METTL15: variants seen among roughly 807,000 people sequenced by gnomAD.
METTL15 encodes the protein methyltransferase 15, mitochondrial 12S rRNA N4-cytidine, also known as 12S rRNA N(4)-cytidine methyltransferase METTL15.
A neutral mutation model predicts 38.3 loss-of-function variants in METTL15; 34 were observed. The ratio of observed to expected loss-of-function variants is 0.89; its 90% CI spans 0.68 to 1.18. The LOEUF (loss-of-function observed/expected upper bound fraction) is 1.18, where lower values mean the gene tolerates loss of function less well. METTL15 is among the 50% of genes most tolerant of loss of function. METTL15 has a pLI of 0.00. For synonymous variants in METTL15, 162 were observed against 170.9 expected, an observed-to-expected ratio of 0.95 and a Z score of 0.41; for missense variants, 438 against 498.4, an observed-to-expected ratio of 0.88 and a Z score of 1.15.
At chr11:28,467,873 A>G (rs1851269908) in intron 6 of METTL15, among the ~76,000 whole-genome samples, 1 of 152,208 alleles carries the variant, frequency 6.6e-6, no homozygotes, top group South Asian at 2.1e-4. Flanking sequence ...AGCATGGCCA[A>G]GGAGGAGAAG....
At chr11:28,334,529 T>C (rs1184104635), downstream of METTL15, among the ~76,000 whole-genome samples, 1 of 152,026 alleles carries the variant, frequency 6.6e-6, no homozygotes, top group Non-Finnish European at 1.5e-5. Flanking sequence ...AAATATAAAT[T>C]TGAAACTCTG....
chr11:28,374,992 A>C (rs1167818307), intron 5 of METTL15, among the ~76,000 whole-genome samples: 1 of 151,218 alleles, frequency 6.6e-6, no homozygotes, highest in Non-Finnish European at 1.5e-5. Flanking sequence ...ATATTGAACC[A>C]GCCTTGCATC....
intron 3 of METTL15, among the ~76,000 whole-genome samples, chr11:28,159,700 T>C (rs1850387010): frequency 6.6e-6 from 1 of 152,226 alleles, no homozygotes; most frequent in Non-Finnish European, 1.5e-5. Flanking sequence ...ATTTATTGAC[T>C]TCACATCAGA....
intron 3 of METTL15, among the ~76,000 whole-genome samples, chr11:28,198,804 G>T (rs1441559596): frequency 6.6e-6 from 1 of 151,994 alleles, no homozygotes; most frequent in Non-Finnish European, 1.5e-5. Flanking sequence ...TTTATTTCAG[G>T]TCTAACAACT....
intron 5 of METTL15, among the ~76,000 whole-genome samples, chr11:28,371,902 T>A (rs1026472012): frequency 1.3e-5 from 2 of 152,060 alleles, no homozygotes; most frequent in Admixed American, 6.6e-5. Context: ...AGACTTTAGG[T>A]TTTTCTAAGT....
At chr11:28,470,813 C>G (rs562326586) in intron 6 of METTL15, among the ~76,000 whole-genome samples, 4 of 152,196 alleles carry the variant, frequency 2.6e-5, no homozygotes, top group South Asian at 2.1e-4. Flanking sequence ...TTGTTTTTGA[C>G]ATTTTCCACG....
chr11:28,432,072 T>G (rs1850937102), intron 6 of METTL15, among the ~76,000 whole-genome samples: 1 of 152,154 alleles, frequency 6.6e-6, no homozygotes, highest in African/African-American at 2.4e-5. Context: ...TGCAAAATCT[T>G]CTGTGACTTG....
At chr11:28,222,490 C>G (rs920058847) in intron 4 of METTL15, among the ~76,000 whole-genome samples, 4 of 152,250 alleles carry the variant, frequency 2.6e-5, no homozygotes, top group Non-Finnish European at 4.4e-5. Context: ...TCCCTGACCC[C>G]TTGCACTTCT....
chr11:28,231,098 CA>C (rs771155055), intron 4 of METTL15, among the ~76,000 whole-genome samples: 3 of 151,866 alleles, frequency 2.0e-5, no homozygotes, highest in Non-Finnish European at 4.4e-5. Context: ...TCATTTAATT[CA>C]ATTCCAGACA....
Position 28,160,725 on chromosome 11 carries a change from C to A in METTL15, c.270+47121C>A, listed in dbSNP as rs1354737873. On this transcript the variant is annotated intron_variant, in intron 3 of 6. Transcript: ENST00000407364. ...TAACATATTATAGTTATTTGAAAAT[C>A]TTAACAATAATGGTAACAATTACCA... is the stretch of plus-strand genomic sequence containing the variant. Among the ~76,000 whole-genome samples, 5 of 151,972 alleles carry A rather than the reference C, an allele frequency of 3.3e-5. 1 individual carries two copies.
chr11:28,474,653 G>A (rs1483006466), intron 6 of METTL15, among the ~76,000 whole-genome samples: 3 of 152,106 alleles, frequency 2.0e-5, no homozygotes, highest in Non-Finnish European at 4.4e-5. Context: ...GCCTAATAAG[G>A]CCCCACACCA....
chr11:28,144,844 C>T (rs1849824604), intron 3 of METTL15: 1 of 153,178 alleles, frequency 6.5e-6, no homozygotes, highest in Non-Finnish European at 1.5e-5. Context: ...CACACATGAT[C>T]CAAGAACACT....
intron 5 of METTL15, among the ~76,000 whole-genome samples, chr11:28,402,732 C>T (rs1049436054): frequency 2.6e-5 from 4 of 151,764 alleles, no homozygotes; most frequent in East Asian, 1.9e-4. Context: ...AGTTTTGTCA[C>T]GTGAATATAT....
At position 28,120,100 on chromosome 11, in the gene METTL15, T is replaced by C. The variant is rs541798283; in HGVS notation, c.270+6496T>C. Among the ~76,000 whole-genome samples, 13 of 152,102 alleles carry C rather than the reference T, an allele frequency of 8.5e-5. No homozygotes were observed. In the South Asian group the frequency reaches 2.7e-3, roughly 32 times the overall value. Reference sequence around the variant, plus strand: ...CTGAGTAGCTGGAACTACAGGCGCCTGCCACCACATCCAGCTAATTTTTTT... The same window carrying C: ...CTGAGTAGCTGGAACTACAGGCGCCCGCCACCACATCCAGCTAATTTTTTT... On this transcript the variant is annotated intron_variant, in intron 3 of 6. Coordinates refer to ENST00000407364, the MANE Select transcript of METTL15 (RefSeq NM_001113528.2).
intron 6 of METTL15, among the ~76,000 whole-genome samples, chr11:28,505,393 A>C (rs772283878): frequency 6.6e-6 from 1 of 152,212 alleles, no homozygotes; most frequent in Non-Finnish European, 1.5e-5. Context: ...CGGATGTGTA[A>C]ACATGGGTCA....
At chr11:28,375,883 T>C (rs1455852147) in intron 5 of METTL15, among the ~76,000 whole-genome samples, 10 of 151,772 alleles carry the variant, frequency 6.6e-5, no homozygotes, top group Non-Finnish European at 1.0e-4. Flanking sequence ...TTCTCGTTGG[T>C]TTCAAAGAAC....
chr11:28,238,299 C>A (rs944047481), intron 4 of METTL15, among the ~76,000 whole-genome samples: 7 of 152,170 alleles, frequency 4.6e-5, no homozygotes, highest in African/African-American at 7.2e-5. Context: ...CCTAAGGGAG[C>A]CTGGGCAATG....
chr11:28,297,730 A>C lies in METTL15; in HGVS notation c.778+799A>C, dbSNP rs141046931. On this transcript the variant is annotated intron_variant, in intron 6 of 6. Coordinates refer to ENST00000407364, the MANE Select transcript of METTL15 (RefSeq NM_001113528.2). ...GGTAAAATTTTCATCTTGTTGAACC[A>C]TCTGAAACCCTGTATCATTTTTATT... 2.2e-3 allele frequency among the ~76,000 whole-genome samples: 331 copies of C among 152,282 alleles called. 3 individuals carry two copies. The highest frequency in any genetic ancestry group is 0.015 in the Admixed American group (233 of 15,282).
At chr11:28,280,221 CTG>C (rs1297093650) in intron 4 of METTL15, among the ~76,000 whole-genome samples, 1 of 109,298 alleles carries the variant, frequency 9.1e-6, no homozygotes, top group Non-Finnish European at 2.1e-5. Flanking sequence ...CTGAAGAAAA[CTG>C]TTTTTAATAG....
Sources: gnomAD v4.1 joint callset for allele counts (sites outside exome capture counted in the v4.1 genomes callset) on GRCh38, gnomAD v4.1.1 for gene constraint, MANE v1.5 for transcripts, NCBI Gene and HGNC (gene_info 2026-07-23, HGNC 2026-07-21) for gene names.